Variants in TASP1 observed in about 807,000 individuals in gnomAD.
The protein encoded by TASP1 is threonine aspartase 1.
Under a neutral mutation model 56.6 loss-of-function variants are expected in TASP1, and 16 were observed. The ratio of observed to expected loss-of-function variants is 0.28; its 90% CI spans 0.19 to 0.43. The LOEUF (loss-of-function observed/expected upper bound fraction) is 0.43. TASP1 is among the 20% of genes least tolerant of loss of function. TASP1 has a pLI of 1.00. For synonymous variants in TASP1, 179 were observed against 184.2 expected (o/e 0.97, Z 0.23); for missense variants, 393 against 511.6 (o/e 0.77, Z 2.24).
chr20:13,597,932 G>A (rs1179082922), intron 4 of TASP1, among the ~76,000 whole-genome samples: 1 of 152,066 alleles, frequency 6.6e-6, no homozygotes, highest in Non-Finnish European at 1.5e-5. Flanking sequence ...CCCATTCACG[G>A]TTGCTACAAA....
intron 11 of TASP1, among the ~76,000 whole-genome samples, chr20:13,482,751 G>T (rs985115991): frequency 8.5e-5 from 13 of 152,090 alleles, no homozygotes; most frequent in African/African-American, 3.1e-4. Flanking sequence ...GATGAATTTG[G>T]TTTTCTTTTA....
At chr20:13,498,784 T>C (rs2043832562) in intron 10 of TASP1, among the ~76,000 whole-genome samples, 1 of 124,712 alleles carries the variant, frequency 8.0e-6, no homozygotes, top group South Asian at 2.5e-4. Context: ...AGAATGGCTA[T>C]TATAAAAAAG....
the TASP1 span, among the ~76,000 whole-genome samples, chr20:13,251,702 C>T: frequency 6.6e-6 from 1 of 152,176 alleles, no homozygotes; most frequent in African/African-American, 2.4e-5. Flanking sequence ...ATCTTCTGAC[C>T]TTCTCAAGCC....
rs148959216 is a variant in TASP1 at position 13,515,938 on chromosome 20, T to C, written c.874+12495A>G. On this transcript the variant is annotated intron_variant, in intron 10 of 13. Transcript: ENST00000337743. ...GTACACACAAATATGAAGCAACCCA[T>C]TGGAACTATTTGATTTATGTTAAAC... Among the ~76,000 whole-genome samples the C allele has an allele frequency of 3.3e-5, 5 of 152,216 alleles. No homozygotes were observed. The East Asian group carries it at 9.7e-4, about 29-fold the overall frequency.
chr20:13,612,878 A>G (rs1015811888), intron 4 of TASP1, among the ~76,000 whole-genome samples: 4 of 152,210 alleles, frequency 2.6e-5, no homozygotes, highest in Non-Finnish European at 4.4e-5. Flanking sequence ...CCAAGAAATT[A>G]AAATTACTAC....
At chr20:13,139,289 A>T in the TASP1 span, among the ~76,000 whole-genome samples, 1 of 152,316 alleles carries the variant, frequency 6.6e-6, no homozygotes, top group South Asian at 2.1e-4. Context: ...AGTCTTTGAA[A>T]ATTTTCCATA....
intron 10 of TASP1, among the ~76,000 whole-genome samples, chr20:13,494,588 T>C (rs1159519735): frequency 6.6e-6 from 1 of 152,176 alleles, no homozygotes; most frequent in Non-Finnish European, 1.5e-5. Flanking sequence ...TCATCTCATC[T>C]GACAAACAAG....
chr20:13,588,447 AAAAATT>A (rs1804503737), intron 4 of TASP1, among the ~76,000 whole-genome samples: 1 of 152,200 alleles, frequency 6.6e-6, no homozygotes, highest in African/African-American at 2.4e-5. Flanking sequence ...TCCACTAAAA[AAAAATT>A]AGAATTAATA....
intron 12 of TASP1, 23 bp downstream of exon 12, chr20:13,435,021 C>T (rs1001395331): frequency 6.7e-7 from 1 of 1,501,962 alleles, no homozygotes; most frequent in Non-Finnish European, 9.1e-7. Context: ...GAAAGACACA[C>T]ACAATGTATA....
the TASP1 span, among the ~76,000 whole-genome samples, chr20:13,351,751 T>G: frequency 6.6e-6 from 1 of 152,186 alleles, no homozygotes; most frequent in Non-Finnish European, 1.5e-5. Flanking sequence ...TGTATACACA[T>G]GAAAATGTCA....
chr20:13,610,218 G>A (rs1202682347), intron 4 of TASP1, among the ~76,000 whole-genome samples: 1 of 152,222 alleles, frequency 6.6e-6, no homozygotes, highest in Non-Finnish European at 1.5e-5. Flanking sequence ...GCATTTTAAT[G>A]CCATGGGATT....
chr20:13,361,161 A>G, the TASP1 span, among the ~76,000 whole-genome samples: 6 of 152,116 alleles, frequency 3.9e-5, no homozygotes, highest in Non-Finnish European at 8.8e-5. Flanking sequence ...CCCACCCAGG[A>G]CTGGCAAATT....
intron 4 of TASP1, among the ~76,000 whole-genome samples, chr20:13,602,569 G>A (rs1230396638): frequency 1.3e-5 from 2 of 152,148 alleles, no homozygotes; most frequent in Admixed American, 6.6e-5. Context: ...TGGCACCACT[G>A]GGACCAGTTT....
At chr20:13,129,346 T>G in the TASP1 span, among the ~76,000 whole-genome samples, 1 of 152,110 alleles carries the variant, frequency 6.6e-6, no homozygotes, top group African/African-American at 2.4e-5. Flanking sequence ...CGAGATAGAG[T>G]GGCATCTTTT....
intron 4 of TASP1, among the ~76,000 whole-genome samples, chr20:13,606,541 C>T (rs2048161581): frequency 6.6e-6 from 1 of 152,150 alleles, no homozygotes; most frequent in African/African-American, 2.4e-5. Flanking sequence ...GACGCGGTGG[C>T]TCACACCTGT....
At chr20:13,164,705 G>A in the TASP1 span, 1 of 1,424,594 alleles carries the variant, frequency 7.0e-7, no homozygotes, top group Non-Finnish European at 9.8e-7. Flanking sequence ...TGCAAAGCAG[G>A]GCTACTTAGG....
the TASP1 span, among the ~76,000 whole-genome samples, chr20:13,358,925 G>A: frequency 1.0e-4 from 15 of 150,430 alleles, no homozygotes; most frequent in Non-Finnish European, 7.4e-5. Flanking sequence ...TCTGGGAGAG[G>A]GGCAAGTACC....
intron 7 of TASP1, among the ~76,000 whole-genome samples, chr20:13,568,425 A>G (rs2046607907): frequency 6.6e-6 from 1 of 152,176 alleles, no homozygotes; most frequent in African/African-American, 2.4e-5. Flanking sequence ...TTTTTATTTA[A>G]AAAATAGTGT....
rs553907002 is a variant in TASP1, at chr20:13,518,920, T to A, written c.874+9513A>T. On this transcript the variant is annotated intron_variant, in intron 10 of 13. Coordinates refer to ENST00000337743, the MANE Select transcript of TASP1 (RefSeq NM_017714.3). ...TATTCACTATAGCAAAGACCTGGAA[T>A]CAACCTAGATGCCCATCAGTGGTGA... Among the ~76,000 whole-genome samples the A allele has an allele frequency of 2.6e-5, 4 of 152,226 alleles. No individual in the cohort carries two copies. In the South Asian group the frequency reaches 8.3e-4, roughly 32 times the overall value.
Sources: gnomAD v4.1 joint callset for allele counts (sites outside exome capture counted in the v4.1 genomes callset) on GRCh38, gnomAD v4.1.1 for gene constraint, MANE v1.5 for transcripts, NCBI Gene and HGNC (gene_info 2026-07-23, HGNC 2026-07-21) for gene names.